Variants in TECRL observed in about 807,000 individuals in gnomAD.
TECRL encodes trans-2,3-enoyl-CoA reductase like, also known as trans-2,3-enoyl-CoA reductase-like.
Under a neutral mutation model 52.8 loss-of-function variants are expected in TECRL, and 63 were observed. That is an observed-to-expected ratio of 1.19 (90% CI 0.97 to 1.47). The LOEUF (loss-of-function observed/expected upper bound fraction) is 1.47, where lower values mean the gene tolerates loss of function less well. Among genes scored for constraint, TECRL ranks in the 40% most tolerant of loss-of-function variants. The pLI is 0.00. For synonymous variants in TECRL, 164 were observed against 141.9 expected (o/e 1.16, Z -1.10); for missense variants, 482 against 429.6 (o/e 1.12, Z -1.08).
At chr4:64,356,472 A>G (rs1720782045) in intron 2 of TECRL, among the ~76,000 whole-genome samples, 1 of 152,178 alleles carries the variant, frequency 6.6e-6, no homozygotes, top group African/African-American at 2.4e-5. Flanking sequence ...GAGGCAGGAC[A>G]TGTCGGCAGC....
At chr4:64,320,174 C>A (rs1446027830) in intron 4 of TECRL, among the ~76,000 whole-genome samples, 1 of 151,746 alleles carries the variant, frequency 6.6e-6, no homozygotes, top group Non-Finnish European at 1.5e-5. Flanking sequence ...TCATATTAAT[C>A]TTTTATCCTA....
chr4:64,293,941 T>C (rs558816856), intron 8 of TECRL, among the ~76,000 whole-genome samples: 6 of 150,428 alleles, frequency 4.0e-5, no homozygotes, highest in African/African-American at 1.5e-4. Flanking sequence ...ATTGTTAATA[T>C]CATTATTAAT....
intron 4 of TECRL, among the ~76,000 whole-genome samples, chr4:64,320,884 G>A (rs1717852816): frequency 1.3e-5 from 2 of 152,008 alleles, no homozygotes; most frequent in African/African-American, 4.8e-5. Flanking sequence ...ATTAAAATGT[G>A]CTTCACAAGA....
chr4:64,279,964 A>G lies in TECRL; in HGVS notation c.*108T>C. 7.0e-7 allele frequency: 1 copy of G among 1,436,184 alleles called. No homozygotes were observed. Among genetic ancestry groups the G allele is most frequent in the Non-Finnish European group, 9.2e-7 (1 of 1,091,796 alleles). The allele number at this position is 1,436,184 out of a possible 1,614,324, so 89.0% of individuals were successfully genotyped here. On this transcript the variant is annotated 3_prime_UTR_variant, in exon 12 of 12. Coordinates refer to ENST00000381210, the MANE Select transcript of TECRL (RefSeq NM_001010874.5). ...TATTTTATATTTTTACTCAGTGTAT[A>G]TACTGTTGCTCATGAATTGTTGGAG... is the stretch of plus-strand genomic sequence containing the variant.
At chr4:64,346,481 T>C (rs1469630144) in intron 2 of TECRL, among the ~76,000 whole-genome samples, 2 of 152,248 alleles carry the variant, frequency 1.3e-5, no homozygotes, top group African/African-American at 2.4e-5. Context: ...GTTCTTGACT[T>C]CTGTGTACCT....
chr4:64,328,653 G>T, intron 2 of TECRL, 97 bp from the exon 3 acceptor site: 2 of 1,063,660 alleles, frequency 1.9e-6, no homozygotes, highest in Non-Finnish European at 2.8e-6. Context: ...GATCTAGGAA[G>T]TAAATAAAAT....
At chr4:64,294,873 G>T (rs1343045918) in intron 8 of TECRL, among the ~76,000 whole-genome samples, 1 of 151,842 alleles carries the variant, frequency 6.6e-6, no homozygotes, top group Non-Finnish European at 1.5e-5. Context: ...TTTCACTTAG[G>T]AAATTTATTA....
intron 7 of TECRL, 175 bp downstream of exon 7, chr4:64,304,991 T>A: frequency 2.3e-6 from 1 of 426,536 alleles, no homozygotes; most frequent in East Asian, 3.5e-5. Context: ...TAAATAAAAA[T>A]ATATGAGTCA....
At chr4:64,313,996 A>AAG (rs1717281705) in intron 5 of TECRL, among the ~76,000 whole-genome samples, 1 of 144,416 alleles carries the variant, frequency 6.9e-6, no homozygotes, top group African/African-American at 2.6e-5. Flanking sequence ...AAAAAAAAAA[A>AAG]AAAATTAGCT....
At chr4:64,329,710 T>A (rs949854091) in intron 2 of TECRL, among the ~76,000 whole-genome samples, 2 of 151,908 alleles carry the variant, frequency 1.3e-5, no homozygotes, top group African/African-American at 4.8e-5. Flanking sequence ...TATAGCCAAG[T>A]AATTTTATTT....
At chr4:64,391,656 A>G (rs990504648) in intron 1 of TECRL, among the ~76,000 whole-genome samples, 1 of 151,898 alleles carries the variant, frequency 6.6e-6, no homozygotes, top group Non-Finnish European at 1.5e-5. Flanking sequence ...TATTGACTAG[A>G]GATCCTAGTA....
At chr4:64,393,488 A>G (rs569856543) in intron 1 of TECRL, among the ~76,000 whole-genome samples, 3 of 152,210 alleles carry the variant, frequency 2.0e-5, no homozygotes, top group South Asian at 2.1e-4. Flanking sequence ...AATTAATTGT[A>G]TAATAATTTT....
chr4:64,382,699 A>G (rs1722899410), intron 1 of TECRL, among the ~76,000 whole-genome samples: 1 of 151,958 alleles, frequency 6.6e-6, no homozygotes, highest in African/African-American at 2.4e-5. Context: ...TAATCTCTTT[A>G]TATTGTAGGT....
chr4:64,342,266 G>T (rs1363522424), intron 2 of TECRL, among the ~76,000 whole-genome samples: 1 of 152,052 alleles, frequency 6.6e-6, no homozygotes, highest in Non-Finnish European at 1.5e-5. Context: ...TTACTGTTGT[G>T]AAATCTCCAT....
chr4:64,300,493 C>T (rs1328979995), intron 7 of TECRL, among the ~76,000 whole-genome samples: 2 of 149,560 alleles, frequency 1.3e-5, no homozygotes, highest in Non-Finnish European at 3.0e-5. Context: ...CTTGCCTGAC[C>T]TTAAAATAAA....
intron 2 of TECRL, among the ~76,000 whole-genome samples, chr4:64,338,543 G>T (rs1196377581): frequency 6.6e-6 from 1 of 151,788 alleles, no homozygotes; most frequent in Non-Finnish European, 1.5e-5. Flanking sequence ...TCTGACAAAG[G>T]GCTTATATCC....
At chr4:64,292,086 T>G (rs1356051043) in intron 8 of TECRL, among the ~76,000 whole-genome samples, 1 of 151,978 alleles carries the variant, frequency 6.6e-6, no homozygotes, top group Non-Finnish European at 1.5e-5. Flanking sequence ...GTGATATAAT[T>G]TCCTTTTAGG....
At chr4:64,374,415 T>A (rs1299355542) in intron 2 of TECRL, among the ~76,000 whole-genome samples, 1 of 151,922 alleles carries the variant, frequency 6.6e-6, no homozygotes, top group Non-Finnish European at 1.5e-5. Context: ...AGAAATTCTT[T>A]TTATTATTAT....
At chr4:64,344,959 T>A (rs1446360424) in intron 2 of TECRL, among the ~76,000 whole-genome samples, 1 of 152,182 alleles carries the variant, frequency 6.6e-6, no homozygotes, top group Non-Finnish European at 1.5e-5. Flanking sequence ...ATAAAGAAGT[T>A]AAAGGTTTTC....
Sources: allele counts gnomAD v4.1 joint callset (sites outside exome capture counted in the v4.1 genomes callset), GRCh38; gene constraint gnomAD v4.1.1; transcripts MANE v1.5; gene names NCBI Gene and HGNC (gene_info 2026-07-23, HGNC 2026-07-21).